Variants in SPECC1 observed in about 807,000 individuals in gnomAD.
SPECC1 encodes the protein cytospin-B.
In SPECC1, 62 loss-of-function variants were observed where a neutral mutation model predicts 104.1. The ratio of observed to expected loss-of-function variants is 0.60; its 90% CI spans 0.49 to 0.74. The LOEUF (loss-of-function observed/expected upper bound fraction) is 0.74, where lower values mean the gene tolerates loss of function less well. SPECC1 is among the 30% of genes least tolerant of loss of function. SPECC1 has a pLI of 0.00. For missense variants in SPECC1, 1,306 were observed against 1,310.5 expected, an observed-to-expected ratio of 1.00 and a Z score of 0.05; for synonymous variants, 513 against 501.6, an observed-to-expected ratio of 1.02 and a Z score of -0.30.
chr17:20,031,002 T>C (rs1848532774), intron 1 of SPECC1, among the ~76,000 whole-genome samples: 2 of 152,196 alleles, frequency 1.3e-5, no homozygotes, highest in Admixed American at 1.3e-4. Context: ...TGTTTTTGTT[T>C]TTGTTTTTTC....
At chr17:20,165,628 G>A (rs1304719762) in intron 3 of SPECC1, among the ~76,000 whole-genome samples, 1 of 152,174 alleles carries the variant, frequency 6.6e-6, no homozygotes, top group Non-Finnish European at 1.5e-5. Context: ...TTGAGGAATC[G>A]CTGCACTGTC....
At chr17:20,143,545 A>G (rs1448506731) in intron 3 of SPECC1, among the ~76,000 whole-genome samples, 2 of 148,418 alleles carry the variant, frequency 1.3e-5, no homozygotes, top group Non-Finnish European at 3.0e-5. Context: ...TTAGCTGGGC[A>G]TGGTGGCACG....
chr17:20,234,831 G>A (rs548767899), intron 7 of SPECC1, among the ~76,000 whole-genome samples: 16 of 152,230 alleles, frequency 1.1e-4, no homozygotes, highest in Non-Finnish European at 2.1e-4. Context: ...ATGCAAACCA[G>A]CATTCATTGC....
chr17:20,222,338 A>T (rs1241987553), intron 4 of SPECC1, among the ~76,000 whole-genome samples: 1 of 152,208 alleles, frequency 6.6e-6, no homozygotes, highest in Non-Finnish European at 1.5e-5. Context: ...TGTCTCGAAA[A>T]AAAAAAGTTT....
Position 20,260,093 on chromosome 17 carries a change from A to T in SPECC1, c.2838-99A>T. On this transcript the variant is annotated intron_variant, in intron 11 of 14. Transcript: ENST00000395527. ...TCTTTAGAATCTTGCTGGATAAACT[A>T]GACTTTTGCTTTTCTAAAGTAGGTA... The T allele has an allele frequency of 4.6e-6, 4 of 877,764 alleles. No individual in the cohort carries two copies. In the Admixed American group the frequency reaches 1.0e-4, roughly 22 times the overall value. The allele number at this position is 877,764 out of a possible 1,614,324, so 54.4% of individuals were successfully genotyped here. A position where few individuals can be genotyped will look rare whatever the true frequency, so the allele number is the denominator to read the frequency against.
chr17:20,308,410 A>AAAAC, intron 14 of SPECC1, among the ~76,000 whole-genome samples: 1 of 151,650 alleles, frequency 6.6e-6, no homozygotes, highest in Admixed American at 6.6e-5. Flanking sequence ...AAAAAAAAAA[A>AAAAC]ATTCCATAAC....
intron 9 of SPECC1, 61 bp downstream of exon 9, chr17:20,247,380 T>G: frequency 8.1e-7 from 1 of 1,227,724 alleles, no homozygotes; most frequent in Non-Finnish European, 1.2e-6. Flanking sequence ...CTAGATGTTT[T>G]TCTTTACACA....
At chr17:20,184,988 G>C (rs1013418003) in intron 3 of SPECC1, 3 of 152,234 alleles carry the variant, frequency 2.0e-5, no homozygotes, top group African/African-American at 4.8e-5. Flanking sequence ...ATTTAACAGC[G>C]AGTGGGCTTT....
At chr17:20,100,388 A>AAAAAAGC (rs1302981849) in intron 2 of SPECC1, among the ~76,000 whole-genome samples, 1 of 152,362 alleles carries the variant, frequency 6.6e-6, no homozygotes, top group East Asian at 1.9e-4. Context: ...GGTGGTGGAC[A>AAAAAAGC]AAAAAGCAAG....
chr17:20,260,901 G>T (rs2040002868), intron 12 of SPECC1, among the ~76,000 whole-genome samples: 1 of 152,134 alleles, frequency 6.6e-6, no homozygotes, highest in African/African-American at 2.4e-5. Context: ...CTAGTGTTCT[G>T]GTTGGTGGCA....
chr17:20,130,088 T>TA (rs2049532789), intron 3 of SPECC1, among the ~76,000 whole-genome samples: 1 of 152,216 alleles, frequency 6.6e-6, no homozygotes, highest in African/African-American at 2.4e-5. Flanking sequence ...TTCTCTTATA[T>TA]TTTTCCCGAA....
At chr17:20,098,691 C>T (rs1372591590) in intron 2 of SPECC1, among the ~76,000 whole-genome samples, 1 of 152,184 alleles carries the variant, frequency 6.6e-6, no homozygotes, top group Non-Finnish European at 1.5e-5. Context: ...TTTGCTGCTC[C>T]CTCTGCCCGG....
chr17:20,242,014 A>T (rs897240783), intron 7 of SPECC1, among the ~76,000 whole-genome samples: 9 of 152,348 alleles, frequency 5.9e-5, no homozygotes, highest in African/African-American at 2.2e-4. Context: ...TTCAGTAAAG[A>T]GACCGGCAGG....
chr17:20,257,423 A>T (rs2039872038), intron 10 of SPECC1, 28 bp from the exon 11 acceptor site: 1 of 1,545,568 alleles, frequency 6.5e-7, no homozygotes, highest in Non-Finnish European at 8.7e-7. Context: ...TTCTTTGGGA[A>T]TGAGTGATTA....
At chr17:20,136,293 G>A (rs1383462384) in intron 3 of SPECC1, among the ~76,000 whole-genome samples, 4 of 152,006 alleles carry the variant, frequency 2.6e-5, no homozygotes, top group South Asian at 2.1e-4. Context: ...GCATAGTGGC[G>A]CACGTCTGTT....
rs1005779602 is a variant in SPECC1, at chr17:20,194,510, T to A, written c.284-9823T>A. Among the ~76,000 whole-genome samples, 7 of 124,552 alleles carry A rather than the reference T, an allele frequency of 5.6e-5. 2 individuals carry two copies. Among genetic ancestry groups the A allele is most frequent in the Non-Finnish European group, 1.2e-4 (7 of 60,480 alleles). The allele number at this position is 124,552 out of a possible 152,430, so 81.7% of individuals were successfully genotyped here. ...GTTAGAAAAGAGAACGAATTTTTTT[T>A]TTTTTTTTTTTTTTTGAGACAGAGT... On this transcript the variant is annotated intron_variant, in intron 3 of 14. Coordinates refer to ENST00000395527, the MANE Select transcript of SPECC1 (RefSeq NM_001243439.2).
At chr17:20,301,564 T>C (rs1351228591) in intron 13 of SPECC1, among the ~76,000 whole-genome samples, 1 of 152,158 alleles carries the variant, frequency 6.6e-6, no homozygotes, top group African/African-American at 2.4e-5. Context: ...CCCACCTGGA[T>C]GGAAGCAATT....
intron 13 of SPECC1, among the ~76,000 whole-genome samples, chr17:20,303,844 T>A (rs1406278730): frequency 6.6e-6 from 1 of 151,764 alleles, no homozygotes; most frequent in African/African-American, 2.4e-5. Flanking sequence ...TCCCAGCTAC[T>A]AGGGAGGCTG....
intron 11 of SPECC1, among the ~76,000 whole-genome samples, chr17:20,259,752 T>A (rs1006371520): frequency 2.6e-5 from 4 of 152,142 alleles, no homozygotes; most frequent in Non-Finnish European, 5.9e-5. Context: ...GCTCAAGAGA[T>A]CTTCTTCCCT....
Sources: gnomAD v4.1 joint callset for allele counts (sites outside exome capture counted in the v4.1 genomes callset) on GRCh38, gnomAD v4.1.1 for gene constraint, MANE v1.5 for transcripts, NCBI Gene and HGNC (gene_info 2026-07-23, HGNC 2026-07-21) for gene names.